PLCL1: variants seen among roughly 807,000 people sequenced by gnomAD.
PLCL1 encodes the protein phospholipase C like 1 (inactive), also known as inactive phospholipase C-like protein 1.
In PLCL1, 41 loss-of-function variants were observed where a neutral mutation model predicts 84.4. The observed-to-expected ratio is 0.49, with a 90% CI of 0.38 to 0.63. The LOEUF (loss-of-function observed/expected upper bound fraction) is 0.63. PLCL1 is among the 30% of genes least tolerant of loss of function. The pLI is 0.00. For synonymous variants in PLCL1, 490 were observed against 488.3 expected (o/e 1.00, Z -0.05); for missense variants, 1,206 against 1,367.8 (o/e 0.88, Z 1.87).
chr2:198,143,489 C>T (rs552725693), intron 5 of PLCL1, among the ~76,000 whole-genome samples: 7 of 152,116 alleles, frequency 4.6e-5, no homozygotes, highest in African/African-American at 7.2e-5. Context: ...AGGACAAAGA[C>T]GTTTAGAGGG....
chr2:198,116,462 A>G (rs1693751770), intron 5 of PLCL1, among the ~76,000 whole-genome samples: 1 of 151,906 alleles, frequency 6.6e-6, no homozygotes, highest in Non-Finnish European at 1.5e-5. Context: ...TTTCCCTTTA[A>G]GGAAAAACTC....
At chr2:198,115,140 C>A (rs139275219) in intron 5 of PLCL1, among the ~76,000 whole-genome samples, 1 of 151,824 alleles carries the variant, frequency 6.6e-6, no homozygotes, top group African/African-American at 2.4e-5. Flanking sequence ...TTCCTGTGGT[C>A]AGTCCTTTCT....
intron 1 of PLCL1, among the ~76,000 whole-genome samples, chr2:197,889,696 GC>G (rs1251066364): frequency 2.0e-5 from 3 of 152,054 alleles, no homozygotes; most frequent in African/African-American, 4.8e-5. Flanking sequence ...AGCATGGCTA[GC>G]AAATTTATTT....
intron 1 of PLCL1, among the ~76,000 whole-genome samples, chr2:197,893,656 G>A (rs770993019): frequency 3.9e-5 from 6 of 152,148 alleles, no homozygotes; most frequent in African/African-American, 9.7e-5. Context: ...TCTGGAGTCC[G>A]GTGTGTTTTC....
At chr2:198,028,999 GAC>G (rs1479355759) in intron 1 of PLCL1, among the ~76,000 whole-genome samples, 1 of 152,170 alleles carries the variant, frequency 6.6e-6, no homozygotes, top group Non-Finnish European at 1.5e-5. Flanking sequence ...TAAATAAAAA[GAC>G]AAATTCATGA....
chr2:198,036,214 G>T (rs1691548561), intron 1 of PLCL1, among the ~76,000 whole-genome samples: 1 of 152,064 alleles, frequency 6.6e-6, no homozygotes, highest in Non-Finnish European at 1.5e-5. Context: ...AATTGCCTTG[G>T]TCAAATCTGT....
In PLCL1 at chr2:197,874,083, T is replaced by C. The variant is rs910803383; in HGVS notation, c.240+68744T>C. 5.3e-5 allele frequency among the ~76,000 whole-genome samples: 8 copies of C among 152,204 alleles called. No individual in the cohort carries two copies. In the East Asian group the frequency reaches 1.5e-3, roughly 29 times the overall value. On this transcript the variant is annotated intron_variant, in intron 1 of 5. Coordinates refer to ENST00000428675, the MANE Select transcript of PLCL1 (RefSeq NM_006226.4). ...CCTTATGAAATTTTACTTATAAGTT[T>C]TTCATTTTATAGCACTTGCTCTGGG...
At chr2:197,981,278 C>T (rs967124438) in intron 1 of PLCL1, among the ~76,000 whole-genome samples, 1 of 152,012 alleles carries the variant, frequency 6.6e-6, no homozygotes, top group Non-Finnish European at 1.5e-5. Flanking sequence ...TTTGTACTCA[C>T]TAATGTATTA....
chr2:197,911,935 G>A (rs944469297), intron 1 of PLCL1, among the ~76,000 whole-genome samples: 2 of 152,126 alleles, frequency 1.3e-5, no homozygotes, highest in Admixed American at 1.3e-4. Flanking sequence ...TTATACTTTT[G>A]AAGAAAATGG....
At position 197,805,288 on chromosome 2, in the gene PLCL1, G is replaced by C; in HGVS notation, c.189G>C (p.Ala63=). 1 of 1,289,786 alleles carries C rather than the reference G, an allele frequency of 7.8e-7. No individual in the cohort carries two copies. Among genetic ancestry groups the C allele is most frequent in the Non-Finnish European group, 9.8e-7 (1 of 1,020,808 alleles). 79.9% of individuals were successfully genotyped at this position (1,289,786 alleles called of 1,614,324 possible). A position where few individuals can be genotyped will look rare whatever the true frequency, so the allele number is the denominator to read the frequency against. Reference sequence around the variant, plus strand: ...CGGGGACCCCAGCGGACAGCGAGGCGGGCCTCCTGGAGGCAGCACGGGCGA... The same window carrying C: ...CGGGGACCCCAGCGGACAGCGAGGCCGGCCTCCTGGAGGCAGCACGGGCGA... ...GAAGTPADSE[A]GLLEAARATP... The change falls in exon 1 of 6, where the codon GCG becomes GCC. Residue 63 remains alanine, a synonymous_variant. Coordinates refer to ENST00000428675, the MANE Select transcript of PLCL1 (RefSeq NM_006226.4). This position sits in a 1 kb window ranked among gnomAD's most constrained non-coding sequence, Gnocchi z 4.0.
intron 1 of PLCL1, among the ~76,000 whole-genome samples, chr2:197,866,989 C>T (rs1214861121): frequency 1.3e-5 from 2 of 152,148 alleles, no homozygotes; most frequent in Admixed American, 6.6e-5. Flanking sequence ...ATCAATGACG[C>T]ACACTAATGG....
chr2:197,808,885 G>C (rs918755651), intron 1 of PLCL1, among the ~76,000 whole-genome samples: 12 of 152,148 alleles, frequency 7.9e-5, no homozygotes, highest in African/African-American at 2.7e-4. Flanking sequence ...AATTCTCTAG[G>C]CAAGGAAGAA....
At chr2:197,985,572 A>T (rs1690204053) in intron 1 of PLCL1, among the ~76,000 whole-genome samples, 1 of 152,234 alleles carries the variant, frequency 6.6e-6, no homozygotes, top group Admixed American at 6.5e-5. Flanking sequence ...GAGAAACATG[A>T]CACTGTACCC....
At chr2:198,073,332 G>A (rs953816060) in intron 1 of PLCL1, among the ~76,000 whole-genome samples, 4 of 152,160 alleles carry the variant, frequency 2.6e-5, no homozygotes, top group African/African-American at 7.2e-5. Flanking sequence ...TCCCTGAGCT[G>A]AGAATATTCA....
intron 5 of PLCL1, among the ~76,000 whole-genome samples, chr2:198,138,250 C>A (rs749000940): frequency 6.6e-6 from 1 of 152,130 alleles, no homozygotes; most frequent in Non-Finnish European, 1.5e-5. Context: ...AGTGAACTTA[C>A]AGTCATGGCA....
At chr2:197,935,221 G>A (rs1559049922) in intron 1 of PLCL1, among the ~76,000 whole-genome samples, 1 of 152,190 alleles carries the variant, frequency 6.6e-6, no homozygotes, top group Non-Finnish European at 1.5e-5. Flanking sequence ...GTGAAAAGCA[G>A]TGTGGCAATT....
chr2:197,812,238 T>C (rs1168402016), intron 1 of PLCL1, among the ~76,000 whole-genome samples: 1 of 152,228 alleles, frequency 6.6e-6, no homozygotes, highest in Admixed American at 6.5e-5. Flanking sequence ...TCCATGTTTT[T>C]GCTATTGTGA....
intron 1 of PLCL1, among the ~76,000 whole-genome samples, chr2:197,952,942 C>T (rs1201487587): frequency 6.6e-6 from 1 of 151,978 alleles, no homozygotes; most frequent in African/African-American, 2.4e-5. Context: ...TATAAGTTAC[C>T]CAGTCTTGGG....
At chr2:197,823,770 A>G (rs1434074750) in intron 1 of PLCL1, among the ~76,000 whole-genome samples, 1 of 112,826 alleles carries the variant, frequency 8.9e-6, no homozygotes, top group African/African-American at 4.1e-5. Flanking sequence ...AATGCCCAGA[A>G]ACTTTGATTT....
Sources: allele counts gnomAD v4.1 joint callset (sites outside exome capture counted in the v4.1 genomes callset), GRCh38; gene constraint gnomAD v4.1.1; non-coding constraint Gnocchi (gnomAD v3.1); transcripts MANE v1.5; gene names NCBI Gene and HGNC (gene_info 2026-07-23, HGNC 2026-07-21).